DISC1: variants seen among roughly 807,000 people sequenced by gnomAD.
DISC1 encodes disrupted in schizophrenia 1 protein.
DISC1 carries 57 observed loss-of-function variants against 84.5 expected under a neutral mutation model. That is an observed-to-expected ratio of 0.67 (90% CI 0.55 to 0.84). The LOEUF (loss-of-function observed/expected upper bound fraction) is 0.84. Ranked by LOEUF, DISC1 falls within the 40% of genes least tolerant of loss-of-function variation. The probability of loss-of-function intolerance (pLI) is 0.00; values close to 1 mark genes in which losing one functional copy is unlikely to be tolerated. For missense variants in DISC1, 1,000 were observed against 1,057.8 expected (o/e 0.95, Z 0.76); for synonymous variants, 411 against 415.2 (o/e 0.99, Z 0.12).
intron 9 of DISC1, among the ~76,000 whole-genome samples, chr1:231,860,287 G>T: frequency 6.6e-6 from 1 of 152,156 alleles, no homozygotes; most frequent in East Asian, 1.9e-4. Context: ...AATGCAGGTT[G>T]AGTATCCCTT....
intron 9 of DISC1, among the ~76,000 whole-genome samples, chr1:231,822,237 C>T (rs2125780571): frequency 6.6e-6 from 1 of 152,230 alleles, no homozygotes. Context: ...CACCTTATGC[C>T]AGCTGCCTGA....
intron 4 of DISC1, among the ~76,000 whole-genome samples, chr1:231,762,108 T>C (rs1045777336): frequency 6.6e-6 from 1 of 151,980 alleles, no homozygotes; most frequent in African/African-American, 2.4e-5. Context: ...TTCTTTCTTC[T>C]TTCCTTTCTT....
At position 231,818,215 on chromosome 1, in the gene DISC1, A is replaced by C. The variant is rs1051432356; in HGVS notation, c.1793-114A>C. ...GCTAAGGAAATTGTACATAATCTCAAAGTGCAGTTTCTTTGCCCATGCTGT... is the reference window on the plus strand; with the variant it reads ...GCTAAGGAAATTGTACATAATCTCACAGTGCAGTTTCTTTGCCCATGCTGT... On this transcript the variant is annotated intron_variant, in intron 8 of 12. Transcript: ENST00000439617. 4.7e-6 allele frequency: 5 copies of C among 1,068,328 alleles called. No homozygotes were observed. The Admixed American group carries it at 8.6e-5, about 18-fold the overall frequency. The allele number at this position is 1,068,328 out of a possible 1,614,324, so 66.2% of individuals were successfully genotyped here.
rs534683586 is a variant in DISC1, at chr1:232,002,640, A to C, written c.2043-6145A>C. Among the ~76,000 whole-genome samples the C allele has an allele frequency of 9.5e-3, 1,136 of 120,100 alleles. 10 individuals are homozygous for C. Among genetic ancestry groups the C allele is most frequent in the African/African-American group, 0.012 (294 of 25,528 alleles). The allele number at this position is 120,100 out of a possible 152,430, so 78.8% of individuals were successfully genotyped here. A position where few individuals can be genotyped will look rare whatever the true frequency, so the allele number is the denominator to read the frequency against. The stretch of plus-strand genomic sequence containing the variant: ...ACACACACACACACACACACACACA[A>C]AAGCCAATCCCTTAAGGTATCTACT... On this transcript the variant is annotated intron_variant, in intron 10 of 12. Transcript: ENST00000439617.
chr1:231,760,242 G>C (rs1275264377), intron 4 of DISC1, among the ~76,000 whole-genome samples: 1 of 152,098 alleles, frequency 6.6e-6, no homozygotes, highest in Non-Finnish European at 1.5e-5. Context: ...ACATTCTTTT[G>C]TGCTCTCAGA....
intron 2 of DISC1, among the ~76,000 whole-genome samples, chr1:231,697,609 T>A (rs1054177564): frequency 6.7e-6 from 1 of 148,220 alleles, no homozygotes; most frequent in Non-Finnish European, 1.5e-5. Context: ...CTGGCTAATT[T>A]TTTTTTTTTT....
At chr1:231,720,414 C>T (rs1321378239) in intron 3 of DISC1, among the ~76,000 whole-genome samples, 3 of 152,130 alleles carry the variant, frequency 2.0e-5, no homozygotes, top group Non-Finnish European at 4.4e-5. Context: ...TCATAGCTCA[C>T]TGCTGCCTCA....
chr1:231,860,465 T>C (rs926407085), intron 9 of DISC1, among the ~76,000 whole-genome samples: 1 of 152,186 alleles, frequency 6.6e-6, no homozygotes, highest in African/African-American at 2.4e-5. Flanking sequence ...AAATAGTGAA[T>C]TTTGAAGTAT....
chr1:231,791,493 T>C (rs1375377718), intron 6 of DISC1, among the ~76,000 whole-genome samples: 1 of 152,244 alleles, frequency 6.6e-6, no homozygotes, highest in Admixed American at 6.5e-5. Flanking sequence ...AAAATGCTCA[T>C]CTACATAGAG....
chr1:231,706,831 T>C (rs576778669), intron 3 of DISC1, among the ~76,000 whole-genome samples: 1 of 152,358 alleles, frequency 6.6e-6, no homozygotes, highest in African/African-American at 2.4e-5. Flanking sequence ...GTCTGAATTA[T>C]GTCTTGAGCA....
intron 9 of DISC1, among the ~76,000 whole-genome samples, chr1:231,909,950 T>C (rs1197447748): frequency 2.0e-5 from 3 of 152,244 alleles, no homozygotes; most frequent in African/African-American, 7.2e-5. Flanking sequence ...CTAGATTTTC[T>C]AGTTTATTTG....
intron 1 of DISC1, among the ~76,000 whole-genome samples, chr1:231,644,793 C>T (rs927827928): frequency 3.3e-5 from 5 of 151,974 alleles, no homozygotes; most frequent in African/African-American, 9.7e-5. Context: ...ATCTTTGTAA[C>T]AAATTCCCTA....
chr1:231,654,248 T>A (rs1161440294), intron 1 of DISC1, among the ~76,000 whole-genome samples: 5 of 152,212 alleles, frequency 3.3e-5, no homozygotes, highest in Non-Finnish European at 7.3e-5. Flanking sequence ...TAAAAAATTT[T>A]ATTTTTAGTC....
At chr1:231,831,071 G>C (rs1574132114) in intron 9 of DISC1, among the ~76,000 whole-genome samples, 1 of 152,294 alleles carries the variant, frequency 6.6e-6, no homozygotes, top group South Asian at 2.1e-4. Context: ...GGACCCTGTA[G>C]GAAAGGCCTC....
chr1:232,015,342 T>C (rs1668380979), intron 11 of DISC1, among the ~76,000 whole-genome samples: 2 of 152,070 alleles, frequency 1.3e-5, no homozygotes, highest in Non-Finnish European at 2.9e-5. Context: ...ACCTCAGGGC[T>C]CTTGGTGACG....
rs115783024 is a variant in DISC1 at position 231,893,236 on chromosome 1, G to A, written c.1982-65592G>A. 5.0e-3 allele frequency among the ~76,000 whole-genome samples: 768 copies of A among 152,150 alleles called. 10 individuals carry two copies. Among genetic ancestry groups the A allele is most frequent in the African/African-American group, 0.018 (730 of 41,494 alleles). ...AATAAAATCAGAGGGTACATTGTGAGAAGTTAATAGCAGGAGATAAGGTTG... is the reference window on the plus strand; with the variant it reads ...AATAAAATCAGAGGGTACATTGTGAAAAGTTAATAGCAGGAGATAAGGTTG... On this transcript the variant is annotated intron_variant, in intron 9 of 12. Transcript: ENST00000439617.
Position 231,921,007 on chromosome 1 carries a change from A to T in DISC1, c.1982-37821A>T, listed in dbSNP as rs369233527. 8.6e-5 allele frequency among the ~76,000 whole-genome samples: 13 copies of T among 151,370 alleles called. No homozygotes were observed. The East Asian group carries it at 2.2e-3, about 25-fold the overall frequency. ...CTGCAGCCTCCACCTCCTGGGTTCA[A>T]GCGATTCCCCTGCCTCAGCCTCCCA... is the stretch of plus-strand genomic sequence containing the variant. On this transcript the variant is annotated intron_variant, in intron 9 of 12. Transcript: ENST00000439617.
intron 6 of DISC1, among the ~76,000 whole-genome samples, chr1:231,772,928 G>A (rs1024588646): frequency 6.6e-6 from 1 of 152,138 alleles, no homozygotes; most frequent in African/African-American, 2.4e-5. Flanking sequence ...ATTGTTGCCG[G>A]TTTTCATCCA....
At chr1:231,810,003 A>G (rs1227806236) in intron 8 of DISC1, among the ~76,000 whole-genome samples, 1 of 152,232 alleles carries the variant, frequency 6.6e-6, no homozygotes, top group Non-Finnish European at 1.5e-5. Flanking sequence ...ATAACCCCTA[A>G]TGATATAATC....
Sources: allele counts gnomAD v4.1 joint callset (sites outside exome capture counted in the v4.1 genomes callset), GRCh38; gene constraint gnomAD v4.1.1; transcripts MANE v1.5; gene names NCBI Gene and HGNC (gene_info 2026-07-23, HGNC 2026-07-21).